The following RGS17 variants were observed in gnomAD, a reference collection of about 807,000 sequenced individuals.
RGS17 encodes regulator of G-protein signaling 17.
Under a neutral mutation model 25.5 loss-of-function variants are expected in RGS17, and 12 were observed. The observed-to-expected ratio is 0.47, with a 90% CI of 0.30 to 0.76. The LOEUF (loss-of-function observed/expected upper bound fraction) is 0.76. Ranked by LOEUF, RGS17 falls within the 30% of genes least tolerant of loss-of-function variation. The pLI, the probability that RGS17 is intolerant of heterozygous loss-of-function variation, is 0.07. For synonymous variants in RGS17, 71 were observed against 76.9 expected (o/e 0.92, Z 0.40); for missense variants, 196 against 242.2 (o/e 0.81, Z 1.27).
At chr6:153,059,150 T>C (rs1038651236) in intron 1 of RGS17, among the ~76,000 whole-genome samples, 2 of 152,242 alleles carry the variant, frequency 1.3e-5, no homozygotes, top group Admixed American at 6.5e-5. Flanking sequence ...ATAACATTTA[T>C]ATATACTTAG....
At chr6:153,121,538 C>G (rs1017514623) in intron 1 of RGS17, among the ~76,000 whole-genome samples, 2 of 152,132 alleles carry the variant, frequency 1.3e-5, no homozygotes, top group African/African-American at 2.4e-5. Context: ...AGCAGACAAG[C>G]TTTTCCAAGC....
At chr6:153,072,496 A>G (rs1776819045) in intron 1 of RGS17, among the ~76,000 whole-genome samples, 2 of 152,222 alleles carry the variant, frequency 1.3e-5, no homozygotes, top group Admixed American at 6.5e-5. Context: ...ATAAATAAGG[A>G]AACTGAAATC....
At chr6:153,069,444 C>T (rs1370719136) in intron 1 of RGS17, among the ~76,000 whole-genome samples, 1 of 151,620 alleles carries the variant, frequency 6.6e-6, no homozygotes, top group Non-Finnish European at 1.5e-5. Context: ...GGATGGTTAC[C>T]AGAGGCCAGG....
chr6:153,069,662 T>C (rs4870164), intron 1 of RGS17, among the ~76,000 whole-genome samples: 58,298 of 151,802 alleles, frequency 0.38, 11,884 homozygotes, highest in East Asian at 0.62. Context: ...GAGGATATGC[T>C]GTTCTCCATG....
At chr6:153,109,758 A>G (rs1777440166) in intron 1 of RGS17, among the ~76,000 whole-genome samples, 2 of 152,358 alleles carry the variant, frequency 1.3e-5, no homozygotes, top group Non-Finnish European at 2.9e-5. Context: ...GGACTTGGAG[A>G]GTGTCAGGGT....
chr6:153,127,221 G>T (rs1777716891), intron 1 of RGS17, among the ~76,000 whole-genome samples: 3 of 152,318 alleles, frequency 2.0e-5, no homozygotes, highest in Admixed American at 1.3e-4. Flanking sequence ...CTCACCTCCT[G>T]CTGTGCTGCT....
chr6:153,022,112 G>A (rs1358782201), intron 4 of RGS17, among the ~76,000 whole-genome samples: 1 of 152,112 alleles, frequency 6.6e-6, no homozygotes, highest in Non-Finnish European at 1.5e-5. Flanking sequence ...GGCGGCTGAG[G>A]CAGGAGATTC....
chr6:153,122,495 T>C (rs2129127089), intron 1 of RGS17, among the ~76,000 whole-genome samples: 1 of 152,286 alleles, frequency 6.6e-6, no homozygotes, highest in South Asian at 2.1e-4. Flanking sequence ...TTGAAGTTAC[T>C]GGACTTGAGT....
chr6:153,024,378 T>C lies in RGS17; in HGVS notation c.328A>G (p.Asn110Asp). 6.2e-7 allele frequency: 1 copy of C among 1,614,172 alleles called. No individual in the cohort carries two copies. Among genetic ancestry groups the C allele is most frequent in the Non-Finnish European group, 8.5e-7 (1 of 1,179,974 alleles). ...TCACAAGCAAGCCAGAAAAGTAGGT[T>C]CTCTTCACTGTATTCTGTTCGGAGG... is the stretch of plus-strand genomic sequence containing the variant. ...EFLRTEYSEE[N>D]LLFWLACEDL... Residue 110 changes from asparagine (N) to aspartate (D), a missense_variant, in exon 4 of 5, where the codon AAC becomes GAC. Coordinates refer to ENST00000206262, the MANE Select transcript of RGS17 (RefSeq NM_012419.5).
chr6:153,026,251 A>C (rs563681727), intron 3 of RGS17, among the ~76,000 whole-genome samples: 1 of 152,330 alleles, frequency 6.6e-6, no homozygotes, highest in Admixed American at 6.5e-5. Flanking sequence ...ATCATGTTTT[A>C]GCCAATAACT....
intron 1 of RGS17, among the ~76,000 whole-genome samples, chr6:153,112,198 C>G (rs1777480730): frequency 2.6e-5 from 4 of 152,192 alleles, no homozygotes; most frequent in Admixed American, 2.6e-4. Flanking sequence ...ACAGGAATTG[C>G]TAACTAGAAT....
chr6:153,068,739 A>T (rs1238903397), intron 1 of RGS17, among the ~76,000 whole-genome samples: 1 of 152,200 alleles, frequency 6.6e-6, no homozygotes, highest in African/African-American at 2.4e-5. Flanking sequence ...ATATAAAAAG[A>T]TCAAACAAAT....
At chr6:153,100,818 T>C (rs1777292106) in intron 1 of RGS17, among the ~76,000 whole-genome samples, 1 of 152,216 alleles carries the variant, frequency 6.6e-6, no homozygotes, top group Non-Finnish European at 1.5e-5. Flanking sequence ...TAACCTACTC[T>C]TGTGCCAATC....
Position 153,006,522 on chromosome 6 carries a change from CATT to C in RGS17, c.*5049_*5051del, listed in dbSNP as rs1431660566. 1.3e-5 allele frequency: 2 copies of C among 152,468 alleles called. No homozygotes were observed. The highest frequency in any genetic ancestry group is 2.1e-4 in the South Asian group (1 of 4,822). 9.4% of individuals were successfully genotyped at this position (152,468 alleles called of 1,614,324 possible). A position where few individuals can be genotyped will look rare whatever the true frequency, so the allele number is the denominator to read the frequency against. On this transcript the variant is annotated 3_prime_UTR_variant, in exon 5 of 5. Transcript: ENST00000206262. ...AACTGAAAGTACTGATTTGGGATCA[CATT>C]ATTGAGAAAAGCAGTAACACTGATA...
chr6:153,024,489 G>A lies in RGS17; in HGVS notation c.217C>T (p.Pro73Ser), dbSNP rs137936923. The A allele has an allele frequency of 2.7e-5, 43 of 1,612,776 alleles. No individual in the cohort carries two copies. In the Middle Eastern group the frequency reaches 8.2e-4, roughly 31 times the overall value. ...SIQVLEECQN[P>S]TAEEVLSWSQ... ...CAGGACAAGACTTCCTCTGCAGTGGGGTTTTGGCTGCAGAGACAGAACGGG... is the reference window on the plus strand; with the variant it reads ...CAGGACAAGACTTCCTCTGCAGTGGAGTTTTGGCTGCAGAGACAGAACGGG... Residue 73 changes from proline (P) to serine (S), a missense_variant, in exon 4 of 5, where the codon CCC becomes TCC. Physicochemically the swap from Pro to Ser is moderately conservative, Grantham distance 74. Around this residue, in one of 2 missense-constraint regions of RGS17, gnomAD observed 179 missense variants for 197.6 expected, o/e 0.91. Coordinates refer to ENST00000206262, the MANE Select transcript of RGS17 (RefSeq NM_012419.5).
intron 1 of RGS17, among the ~76,000 whole-genome samples, chr6:153,085,834 C>T (rs573360967): frequency 1.3e-5 from 2 of 152,192 alleles, no homozygotes; most frequent in South Asian, 4.2e-4. Flanking sequence ...ACCCAGTCTG[C>T]AAGTATGAAA....
intron 1 of RGS17, among the ~76,000 whole-genome samples, chr6:153,054,104 A>ATG (rs1562321712): frequency 2.9e-5 from 2 of 69,640 alleles, no homozygotes; most frequent in African/African-American, 6.2e-5. Flanking sequence ...ATATATATAT[A>ATG]TATATATATG....
chr6:153,105,475 G>T (rs889113816), intron 1 of RGS17, among the ~76,000 whole-genome samples: 2 of 152,130 alleles, frequency 1.3e-5, no homozygotes, highest in African/African-American at 2.4e-5. Context: ...TGATTTAGTT[G>T]CCACTCACAA....
At chr6:153,118,825 A>G (rs1777580198) in intron 1 of RGS17, among the ~76,000 whole-genome samples, 1 of 152,166 alleles carries the variant, frequency 6.6e-6, no homozygotes, top group Non-Finnish European at 1.5e-5. Flanking sequence ...TTTCTGCCAC[A>G]TGACATAACT....
Sources: allele counts gnomAD v4.1 joint callset (sites outside exome capture counted in the v4.1 genomes callset), GRCh38; gene constraint gnomAD v4.1.1; regional missense constraint gnomAD v4.1.1; transcripts MANE v1.5; gene names NCBI Gene and HGNC (gene_info 2026-07-23, HGNC 2026-07-21).